TNIK: variants seen among roughly 807,000 people sequenced by gnomAD.
The protein encoded by TNIK is TRAF2 and NCK-interacting protein kinase.
A neutral mutation model predicts 191.3 loss-of-function variants in TNIK; 49 were observed. The observed-to-expected ratio is 0.26, with a 90% confidence interval of 0.20 to 0.32. The LOEUF (loss-of-function observed/expected upper bound fraction) is 0.32, where lower values mean the gene tolerates loss of function less well. Ranked by LOEUF, TNIK falls within the 10% of genes least tolerant of loss-of-function variation. TNIK has a pLI of 1.00. For missense variants in TNIK, 1,155 were observed against 1,702.3 expected, an observed-to-expected ratio of 0.68 and a Z score of 5.66; for synonymous variants, 594 against 600.9, an observed-to-expected ratio of 0.99 and a Z score of 0.17.
chr3:171,327,938 G>C (rs946701308), intron 2 of TNIK, among the ~76,000 whole-genome samples: 2 of 91,350 alleles, frequency 2.2e-5, no homozygotes, highest in African/African-American at 3.4e-5. Context: ...AAAATCACTT[G>C]TTTGGAAAAA....
intron 13 of TNIK, 83 bp from the exon 14 acceptor site, chr3:171,139,639 G>A (rs1287926759): frequency 3.0e-6 from 4 of 1,341,708 alleles, no homozygotes; most frequent in Middle Eastern, 1.8e-4. Context: ...GACAAGAGCC[G>A]CTAAGTAAAG....
rs201570697 is a variant in TNIK at position 171,079,694 on chromosome 3, G to A, written c.3314-42C>T. On this transcript the variant is annotated intron_variant, in intron 27 of 32. Coordinates refer to ENST00000436636, the MANE Select transcript of TNIK (RefSeq NM_015028.4). ...GGTTTAATTTCAAATTGCTGTGACAGCTCTCACTTTTTCCTTCCCCACCTC... is the reference window on the plus strand; with the variant it reads ...GGTTTAATTTCAAATTGCTGTGACAACTCTCACTTTTTCCTTCCCCACCTC... The A allele has an allele frequency of 5.1e-6, 8 of 1,559,602 alleles. No homozygotes were observed. In the East Asian group the frequency reaches 1.8e-4, roughly 36 times the overall value.
Position 171,058,451 on chromosome 3 carries a change from T to C in TNIK, c.*5430A>G, listed in dbSNP as rs1717529587. On this transcript the variant is annotated 3_prime_UTR_variant, in exon 33 of 33. Coordinates refer to ENST00000436636, the MANE Select transcript of TNIK (RefSeq NM_015028.4). ...TTTATTATTCATATTTTGACAAAGA[T>C]AGCATATTATATTCCAGGACATGGT... 6.6e-6 allele frequency among the ~76,000 whole-genome samples: 1 copy of C among 152,176 alleles called. No individual in the cohort carries two copies. Among genetic ancestry groups the C allele is most frequent in the Admixed American group, 6.5e-5 (1 of 15,268 alleles).
At chr3:171,133,350 G>A (rs946490358) in intron 15 of TNIK, among the ~76,000 whole-genome samples, 8 of 152,294 alleles carry the variant, frequency 5.3e-5, no homozygotes, top group African/African-American at 1.2e-4. Flanking sequence ...GATAGGCGAC[G>A]CCAGTGAATT....
intron 2 of TNIK, among the ~76,000 whole-genome samples, chr3:171,320,581 A>G (rs537507945): frequency 1.2e-4 from 18 of 152,258 alleles, no homozygotes; most frequent in African/African-American, 4.1e-4. Flanking sequence ...AGAGTTTCCC[A>G]TCATCAAGAT....
intron 2 of TNIK, among the ~76,000 whole-genome samples, chr3:171,304,354 G>A (rs1391752222): frequency 1.3e-5 from 2 of 151,984 alleles, no homozygotes; most frequent in African/African-American, 2.4e-5. Flanking sequence ...AAAAAGTCAG[G>A]AAACAACAGG....
intron 2 of TNIK, among the ~76,000 whole-genome samples, chr3:171,350,073 A>T (rs1011672813): frequency 2.9e-5 from 4 of 137,686 alleles, no homozygotes; most frequent in African/African-American, 1.0e-4. Flanking sequence ...ATACAACATT[A>T]TAGCAAATGT....
At chr3:171,284,987 G>A (rs894711747) in intron 2 of TNIK, among the ~76,000 whole-genome samples, 56 of 152,162 alleles carry the variant, frequency 3.7e-4, no homozygotes, top group African/African-American at 1.3e-3. Flanking sequence ...AAGAGAAATG[G>A]AGAGCAGAGA....
chr3:171,359,849 C>A (rs939773893), intron 2 of TNIK, among the ~76,000 whole-genome samples: 1 of 152,162 alleles, frequency 6.6e-6, no homozygotes, highest in African/African-American at 2.4e-5. Flanking sequence ...GCCCTAAATT[C>A]TGTGCCTGTA....
chr3:171,164,229 A>AT (rs549727872), intron 10 of TNIK, among the ~76,000 whole-genome samples: 23 of 152,348 alleles, frequency 1.5e-4, no homozygotes, highest in African/African-American at 5.5e-4. Context: ...TCTTCATGGC[A>AT]TGGTGAGTTC....
At chr3:171,312,341 TA>T (rs1448729621) in intron 2 of TNIK, among the ~76,000 whole-genome samples, 4 of 152,086 alleles carry the variant, frequency 2.6e-5, no homozygotes, top group African/African-American at 9.6e-5. Context: ...TATATGAAAA[TA>T]GTTCTATGTA....
chr3:171,343,659 T>C (rs918933024), intron 2 of TNIK, among the ~76,000 whole-genome samples: 2 of 152,246 alleles, frequency 1.3e-5, no homozygotes, highest in Non-Finnish European at 2.9e-5. Context: ...GCCTGCTGCA[T>C]GGTTTCCAGG....
At chr3:171,120,469 T>C (rs61792392) in intron 18 of TNIK, among the ~76,000 whole-genome samples, 58,654 of 151,500 alleles carry the variant, frequency 0.39, 12,451 homozygotes, top group East Asian at 0.61. Flanking sequence ...TACAGGCGCC[T>C]GCCACCATGC....
chr3:171,288,320 TAAAA>T (rs76914464), intron 2 of TNIK, among the ~76,000 whole-genome samples: 49 of 138,600 alleles, frequency 3.5e-4, no homozygotes, highest in African/African-American at 1.2e-3. Context: ...AAGTATAATT[TAAAA>T]AAAAAAAAAA....
At chr3:171,113,998 T>TTA (rs1726288048) in intron 18 of TNIK, among the ~76,000 whole-genome samples, 1 of 139,454 alleles carries the variant, frequency 7.2e-6, no homozygotes, top group African/African-American at 2.7e-5. Flanking sequence ...ACGATTTTGT[T>TTA]AAAAAAAAAA....
rs540160648 is a variant in TNIK at position 171,127,440 on chromosome 3, T to TA, written c.1773+1273dup. On this transcript the variant is annotated intron_variant, in intron 16 of 32. Coordinates refer to ENST00000436636, the MANE Select transcript of TNIK (RefSeq NM_015028.4). ...TTAAAAGAGCCAAAAAATAAAAAAA[T>TA]AAAAAAAACCACACCACACAACCCC... Among the ~76,000 whole-genome samples, 251 of 151,196 alleles carry TA rather than the reference T, an allele frequency of 1.7e-3. 2 individuals carry two copies. The highest frequency in any genetic ancestry group is 5.6e-3 in the African/African-American group (231 of 41,290).
At chr3:171,414,939 C>T (rs9862307) in intron 1 of TNIK, among the ~76,000 whole-genome samples, 110,785 of 152,088 alleles carry the variant, frequency 0.73, 40,511 homozygotes, top group Middle Eastern at 0.8. Context: ...AGTAGGAGTA[C>T]ACAGCATCAG....
rs1167301041 is a variant in TNIK at position 171,058,753 on chromosome 3, C to T, written c.*5128G>A. Among the ~76,000 whole-genome samples the T allele has an allele frequency of 6.6e-6, 1 of 152,030 alleles. No homozygotes were observed. ...TAGGCACAGCAAAATCGTAGTTTTC[C>T]CTTCTGATATTATACATTTGGCATC... is the stretch of plus-strand genomic sequence containing the variant. On this transcript the variant is annotated 3_prime_UTR_variant, in exon 33 of 33. Coordinates refer to ENST00000436636, the MANE Select transcript of TNIK (RefSeq NM_015028.4).
chr3:171,252,015 G>A (rs987061165), intron 2 of TNIK, among the ~76,000 whole-genome samples: 1 of 100,474 alleles, frequency 1.0e-5, no homozygotes, highest in African/African-American at 4.7e-5. Flanking sequence ...GGAAATACGT[G>A]CAATTCTCTA....
Sources: allele counts gnomAD v4.1 joint callset (sites outside exome capture counted in the v4.1 genomes callset), GRCh38; gene constraint gnomAD v4.1.1; transcripts MANE v1.5; gene names NCBI Gene and HGNC (gene_info 2026-07-23, HGNC 2026-07-21).